Variants in PAX8 observed in about 807,000 individuals in gnomAD.
PAX8 encodes paired box 8.
In PAX8, 15 loss-of-function variants were observed where a neutral mutation model predicts 52.4. That is an observed-to-expected ratio of 0.29 (90% CI 0.19 to 0.44). The LOEUF (loss-of-function observed/expected upper bound fraction) is 0.44, where lower values mean the gene tolerates loss of function less well. Ranked by LOEUF, PAX8 falls within the 20% of genes least tolerant of loss-of-function variation. The pLI, the probability that PAX8 is intolerant of heterozygous loss-of-function variation, is 1.00. For missense variants in PAX8, 554 were observed against 602.5 expected (o/e 0.92, Z 0.84); for synonymous variants, 284 against 249.7 (o/e 1.14, Z -1.29).
At chr2:113,253,866 G>C (rs1411712015) in intron 2 of PAX8, among the ~76,000 whole-genome samples, 1 of 152,154 alleles carries the variant, frequency 6.6e-6, no homozygotes, top group Non-Finnish European at 1.5e-5. Flanking sequence ...GGGGACTGGG[G>C]AGGTATCATA....
At chr2:113,241,881 C>T in intron 6 of PAX8, 127 bp downstream of exon 6, 1 of 1,431,828 alleles carries the variant, frequency 7.0e-7, no homozygotes, top group South Asian at 1.2e-5. Context: ...AGGGACAGGA[C>T]ATGTGACAGT....
At position 113,232,653 on chromosome 2, in the gene PAX8, C is replaced by T. The variant is rs558711895; in HGVS notation, c.1087+2741G>A. Among the ~76,000 whole-genome samples, 11 of 152,288 alleles carry T rather than the reference C, an allele frequency of 7.2e-5. No individual in the cohort carries two copies. In the South Asian group the frequency reaches 8.3e-4, roughly 11 times the overall value. The stretch of plus-strand genomic sequence containing the variant: ...ATTAACAGCTGACAGTAGTTGGAGG[C>T]GTCACCTCTGATTGACTGCATGTTG... On this transcript the variant is annotated intron_variant, in intron 9 of 11. Transcript: ENST00000429538.
At chr2:113,278,594 G>C (rs1693995470) in intron 1 of PAX8, 125 bp from the exon 2 acceptor site, 1 of 893,260 alleles carries the variant, frequency 1.1e-6, no homozygotes, top group African/African-American at 1.7e-5. Context: ...ATTTTTAGGC[G>C]AAGTAGGGCC....
At chr2:113,226,657 ATCATCG>A (rs1173960252) in intron 10 of PAX8, 7 of 1,092,836 alleles carry the variant, frequency 6.4e-6, no homozygotes, top group Non-Finnish European at 7.8e-6. Context: ...TTTCATCATC[ATCATCG>A]TCATCGTCAT....
intron 5 of PAX8, 82 bp from the exon 6 acceptor site, chr2:113,242,212 G>C: frequency 7.8e-7 from 1 of 1,280,076 alleles, no homozygotes; most frequent in Non-Finnish European, 1.1e-6. Flanking sequence ...AGTTACAGTT[G>C]AGCTGGGGAC....
At chr2:113,250,614 T>C (rs1247341058) in intron 2 of PAX8, among the ~76,000 whole-genome samples, 1 of 152,208 alleles carries the variant, frequency 6.6e-6, no homozygotes, top group East Asian at 1.9e-4. Context: ...AAACCACTGG[T>C]TTAGGCCAGG....
intron 9 of PAX8, among the ~76,000 whole-genome samples, chr2:113,235,070 C>A (rs944870112): frequency 7.2e-5 from 11 of 152,226 alleles, no homozygotes; most frequent in African/African-American, 2.7e-4. Context: ...CCAAAATGTT[C>A]ATTTTTCCTT....
At position 113,236,533 on chromosome 2, in the gene PAX8, G is replaced by T. The variant is rs992446707; in HGVS notation, c.898+68C>A. 3.3e-6 allele frequency: 5 copies of T among 1,517,664 alleles called. No homozygotes were observed. The South Asian group carries it at 4.9e-5, about 15-fold the overall frequency. The allele number at this position is 1,517,664 out of a possible 1,614,324, so 94.0% of individuals were successfully genotyped here. On this transcript the variant is annotated intron_variant, in intron 8 of 11. Transcript: ENST00000429538. ...TCCAGGCCAGGGCCCCACACCTTCCGCCTGACAGCCAGCCAAGCTCTTCAG... is the reference window on the plus strand; with the variant it reads ...TCCAGGCCAGGGCCCCACACCTTCCTCCTGACAGCCAGCCAAGCTCTTCAG...
chr2:113,271,557 A>C (rs1693459465), intron 2 of PAX8: 1 of 151,678 alleles, frequency 6.6e-6, no homozygotes. Context: ...AAAGGGGTGT[A>C]TTTTAATTAA....
intron 4 of PAX8, 37 bp from the exon 5 acceptor site, chr2:113,242,815 G>A: frequency 6.6e-7 from 1 of 1,521,306 alleles, no homozygotes; most frequent in South Asian, 1.1e-5. Flanking sequence ...AGAGAGAAGA[G>A]GAGGAAAGAG....
At chr2:113,247,090 A>G (rs898559285) in intron 2 of PAX8, among the ~76,000 whole-genome samples, 171 bp from the exon 3 acceptor site, 4 of 152,210 alleles carry the variant, frequency 2.6e-5, no homozygotes. Flanking sequence ...TCTCACTCCC[A>G]AGATGCTGGC....
chr2:113,218,354 G>T lies in PAX8; in HGVS notation c.*179C>A. On this transcript the variant is annotated 3_prime_UTR_variant, in exon 12 of 12. Transcript: ENST00000429538. ...GAGTCTTGGAGGACAGTTTGGCCTTGTCCAAGGTCATCCTGTCTTTCATGG... is the reference window on the plus strand; with the variant it reads ...GAGTCTTGGAGGACAGTTTGGCCTTTTCCAAGGTCATCCTGTCTTTCATGG... 1 of 464,000 alleles carries T rather than the reference G, an allele frequency of 2.2e-6. No homozygotes were observed. Among genetic ancestry groups the T allele is most frequent in the Non-Finnish European group, 3.8e-6 (1 of 262,880 alleles). 28.7% of individuals were successfully genotyped at this position (464,000 alleles called of 1,614,324 possible). A position where few individuals can be genotyped will look rare whatever the true frequency, so the allele number is the denominator to read the frequency against.
In PAX8 at chr2:113,244,573, G is replaced by A. The variant is rs775798794; in HGVS notation, c.243C>T (p.Pro81=). The change falls in exon 4 of 12, where the codon CCC becomes CCT. Residue 81 remains proline, a synonymous_variant. Transcript: ENST00000429538. ...CCACCACCTTGGGGGTGGCCACCTT[G>A]GGCTTGGAGCCCCCTATCACTCCAG... ...IRPGVIGGSK[P]KVATPKVVEK... 6.2e-7 allele frequency: 1 copy of A among 1,614,146 alleles called. No homozygotes were observed.
chr2:113,234,380 G>A (rs1690112213), intron 9 of PAX8, among the ~76,000 whole-genome samples: 1 of 152,248 alleles, frequency 6.6e-6, no homozygotes, highest in Admixed American at 6.5e-5. Flanking sequence ...GCAGGCCCAG[G>A]CCTCAACCAG....
chr2:113,236,661 G>T lies in PAX8; in HGVS notation c.838C>A (p.Pro280Thr). 1.3e-6 allele frequency: 2 copies of T among 1,594,858 alleles called. No homozygotes were observed. Among genetic ancestry groups the T allele is most frequent in the Non-Finnish European group, 1.7e-6 (2 of 1,171,136 alleles). ...TLDDGKATLTPSNTPLGRNLS... is the reference protein window; with the variant it reads ...TLDDGKATLTTSNTPLGRNLS... ...TTGCGCCCCAGTGGCGTGTTGGAAG[G>T]GGTCAGGGTGGCCTTCCCGTCGTCC... Residue 280 changes from proline to threonine, a missense_variant, in exon 8 of 12, where the codon CCT (proline) becomes ACT (threonine). Physicochemically the swap from Pro to Thr is conservative, Grantham distance 38. Transcript: ENST00000429538.
chr2:113,276,920 C>A (rs1043568812), intron 2 of PAX8, among the ~76,000 whole-genome samples: 1 of 151,860 alleles, frequency 6.6e-6, no homozygotes, highest in Admixed American at 6.5e-5. Flanking sequence ...CACATTAGGC[C>A]TCAGGGATGG....
In PAX8 at chr2:113,216,367, G is replaced by A. The variant is rs550846818; in HGVS notation, c.*2166C>T. The A allele has an allele frequency of 2.2e-5, 5 of 232,064 alleles. No individual in the cohort carries two copies. Among genetic ancestry groups the A allele is most frequent in the African/African-American group, 1.1e-4 (5 of 45,332 alleles). 14.4% of individuals were successfully genotyped at this position (232,064 alleles called of 1,614,324 possible). ...CTCTTTGGGAGGCCTAAGGAGGTAA[G>A]AGCCCTCTCTCCCAGCCTCTGTCCT... is the stretch of plus-strand genomic sequence containing the variant. On this transcript the variant is annotated 3_prime_UTR_variant, in exon 12 of 12. Coordinates refer to ENST00000429538, the MANE Select transcript of PAX8 (RefSeq NM_003466.4).
intron 2 of PAX8, among the ~76,000 whole-genome samples, chr2:113,258,218 C>A (rs1285062784): frequency 6.6e-6 from 1 of 152,214 alleles, no homozygotes; most frequent in East Asian, 1.9e-4. Context: ...TTTCTCCAGT[C>A]AGAGAGGGCA....
chr2:113,276,083 GC>G (rs1693792988), intron 2 of PAX8: 1 of 152,232 alleles, frequency 6.6e-6, no homozygotes, highest in African/African-American at 2.4e-5. Context: ...CCTAAGCACG[GC>G]CGGTCTCAGG....
Sources: allele counts gnomAD v4.1 joint callset (sites outside exome capture counted in the v4.1 genomes callset), GRCh38; gene constraint gnomAD v4.1.1; transcripts MANE v1.5; gene names NCBI Gene and HGNC (gene_info 2026-07-23, HGNC 2026-07-21).